The following TACC1 variants were observed in gnomAD, a reference collection of about 807,000 sequenced individuals.
TACC1 encodes transforming acidic coiled-coil-containing protein 1.
TACC1 carries 48 observed loss-of-function variants against 84.4 expected under a neutral mutation model. The observed-to-expected ratio is 0.57, with a 90% CI of 0.45 to 0.72. The LOEUF (loss-of-function observed/expected upper bound fraction) is 0.72. TACC1 is among the 30% of genes least tolerant of loss of function. TACC1 has a pLI of 0.00. For missense variants in TACC1, 920 were observed against 973.0 expected, an observed-to-expected ratio of 0.95 and a Z score of 0.72; for synonymous variants, 372 against 376.3, an observed-to-expected ratio of 0.99 and a Z score of 0.13.
chr8:38,820,491 A>G lies in TACC1; in HGVS notation c.1247A>G (p.His416Arg), dbSNP rs149678891. ...SPPLSSEGSY[H>R]FDPDNFDESM... ...CCCCTCTCTTCTGAGGGCTCCTACC[A>G]CTTTGACCCAGATAACTTTGACGAA... The change falls in exon 3 of 13, where the codon CAC becomes CGC. Residue 416 changes from histidine (H) to arginine (R), a missense_variant. Physicochemically the swap from His to Arg is conservative, Grantham distance 29 (BLOSUM62 0). Coordinates refer to ENST00000317827, the MANE Select transcript of TACC1 (RefSeq NM_006283.3). The G allele has an allele frequency of 4.3e-6, 7 of 1,613,970 alleles. No individual in the cohort carries two copies. In the African/African-American group the frequency reaches 8.0e-5, roughly 18 times the overall value.
upstream of TACC1, among the ~76,000 whole-genome samples, chr8:38,783,642 T>C (rs6474500): frequency 1.3e-5 from 2 of 152,076 alleles, no homozygotes; most frequent in South Asian, 4.1e-4. Context: ...GCTGGTCTCA[T>C]ACTCCTGACC....
At chr8:38,770,216 C>T (rs1036921423) in intron 3 of TACC1, among the ~76,000 whole-genome samples, 1 of 152,052 alleles carries the variant, frequency 6.6e-6, no homozygotes, top group African/African-American at 2.4e-5. Context: ...CTCTTCAGGC[C>T]TTGTGGTGTC....
At chr8:38,756,075 A>C (rs1204552382) in intron 3 of TACC1, among the ~76,000 whole-genome samples, 1 of 151,934 alleles carries the variant, frequency 6.6e-6, no homozygotes, top group Non-Finnish European at 1.5e-5. Context: ...AGGCCTCCCA[A>C]AGTGCTGGGA....
chr8:38,816,058 A>G (rs1034101087), intron 2 of TACC1, among the ~76,000 whole-genome samples: 1 of 152,282 alleles, frequency 6.6e-6, no homozygotes, highest in African/African-American at 2.4e-5. Flanking sequence ...AGTTGCAGAT[A>G]AGTTTTTAAA....
upstream of TACC1, chr8:38,785,775 G>C: frequency 1.1e-6 from 1 of 936,222 alleles, no homozygotes; most frequent in Non-Finnish European, 1.3e-6. Context: ...TGGATAAGTG[G>C]TGTGATATAT....
intron 3 of TACC1, among the ~76,000 whole-genome samples, chr8:38,777,412 C>T (rs1815036216): frequency 6.6e-6 from 1 of 152,188 alleles, no homozygotes; most frequent in South Asian, 2.1e-4. Flanking sequence ...GTGGTCCTCA[C>T]ACAGCAGAAG....
At chr8:38,733,976 T>A (rs769907401) in intron 1 of TACC1, among the ~76,000 whole-genome samples, 1 of 152,180 alleles carries the variant, frequency 6.6e-6, no homozygotes, top group Non-Finnish European at 1.5e-5. Context: ...AATAATGCAC[T>A]GTAAACCGTT....
intron 9 of TACC1, among the ~76,000 whole-genome samples, chr8:38,840,941 C>T (rs1028596738): frequency 1.3e-5 from 2 of 152,040 alleles, no homozygotes; most frequent in African/African-American, 4.8e-5. Context: ...CCCAGCTACT[C>T]GGGAGGCTGA....
Position 38,852,164 on chromosome 8 carries a change from C to T in TACC1, c.*4141C>T. 1 of 293,050 alleles carries T rather than the reference C, an allele frequency of 3.4e-6. No individual in the cohort carries two copies. The highest frequency in any genetic ancestry group is 3.0e-5 in the South Asian group (1 of 33,022). 18.2% of individuals were successfully genotyped at this position (293,050 alleles called of 1,614,324 possible). A position where few individuals can be genotyped will look rare whatever the true frequency, so the allele number is the denominator to read the frequency against. On this transcript the variant is annotated 3_prime_UTR_variant, in exon 13 of 13. Transcript: ENST00000317827. Reference sequence around the variant, plus strand: ...TTTTTTGTAGTTTTTTGTCCAAATGCAATCCCATTTCTGTGCCTCTTAGCA... The same window carrying T: ...TTTTTTGTAGTTTTTTGTCCAAATGTAATCCCATTTCTGTGCCTCTTAGCA...
chr8:38,741,992 A>T (rs1307699595), intron 1 of TACC1, among the ~76,000 whole-genome samples: 1 of 152,264 alleles, frequency 6.6e-6, no homozygotes, highest in African/African-American at 2.4e-5. Context: ...AAAGAAGTTT[A>T]TAAACACAAA....
intron 2 of TACC1, among the ~76,000 whole-genome samples, chr8:38,807,377 G>A (rs543523056): frequency 1.3e-5 from 2 of 152,314 alleles, no homozygotes; most frequent in South Asian, 4.1e-4. Flanking sequence ...TGAGAATACA[G>A]GAGACTTGTC....
intron 3 of TACC1, among the ~76,000 whole-genome samples, chr8:38,755,550 G>T (rs1809838259): frequency 6.6e-6 from 1 of 151,270 alleles, no homozygotes; most frequent in Non-Finnish European, 1.5e-5. Flanking sequence ...CAAAAAAAAA[G>T]AAAATTAGCT....
At chr8:38,783,754 C>T (rs921134524), upstream of TACC1, among the ~76,000 whole-genome samples, 1 of 152,146 alleles carries the variant, frequency 6.6e-6, no homozygotes, top group African/African-American at 2.4e-5. Context: ...ACCCTGACAC[C>T]TCTCTTTTAA....
chr8:38,782,654 T>A (rs947941847), upstream of TACC1, among the ~76,000 whole-genome samples: 2 of 152,234 alleles, frequency 1.3e-5, no homozygotes, highest in Non-Finnish European at 2.9e-5. Context: ...TCCTCCAAGA[T>A]GATATTCCTG....
At chr8:38,772,682 C>T (rs1480400371) in intron 3 of TACC1, among the ~76,000 whole-genome samples, 1 of 152,138 alleles carries the variant, frequency 6.6e-6, no homozygotes, top group Non-Finnish European at 1.5e-5. Context: ...AATAAATACT[C>T]ACCTCTAGCA....
intron 3 of TACC1, among the ~76,000 whole-genome samples, chr8:38,821,877 T>C (rs1563798419): frequency 6.6e-6 from 1 of 152,154 alleles, no homozygotes; most frequent in Non-Finnish European, 1.5e-5. Flanking sequence ...ACCTAGGCTA[T>C]ATGGTACAGC....
At chr8:38,805,138 G>A (rs1288899282) in intron 2 of TACC1, among the ~76,000 whole-genome samples, 1 of 152,190 alleles carries the variant, frequency 6.6e-6, no homozygotes, top group Non-Finnish European at 1.5e-5. Flanking sequence ...GAGAGCAGCT[G>A]TTTCCTTTCC....
In TACC1 at chr8:38,819,701, T is replaced by G; in HGVS notation, c.457T>G (p.Ser153Ala). ...FSKISIVRPF[S>A]IETKDSTDIS... ...CAAAATTTCCATCGTGAGGCCATTT[T>G]CAATAGAAACGAAGGATTCCACGGA... Residue 153 changes from serine (S) to alanine (A), a missense_variant, in exon 3 of 13, where the codon TCA (serine) becomes GCA (alanine). Ser to Ala is a moderately conservative substitution (Grantham distance 99). Around this residue, in one of 2 missense-constraint regions of TACC1, gnomAD observed 762 missense variants for 747.3 expected, o/e 1.02. Transcript: ENST00000317827. 1 of 1,614,176 alleles carries G rather than the reference T, an allele frequency of 6.2e-7. No homozygotes were observed.
chr8:38,769,250 G>T (rs1266223741), intron 3 of TACC1, among the ~76,000 whole-genome samples: 1 of 149,352 alleles, frequency 6.7e-6, no homozygotes, highest in African/African-American at 2.5e-5. Flanking sequence ...TGGGTTGGGG[G>T]TGTGGTGTGT....
Sources: gnomAD v4.1 joint callset for allele counts (sites outside exome capture counted in the v4.1 genomes callset) on GRCh38, gnomAD v4.1.1 for gene constraint, gnomAD v4.1.1 regional missense constraint, MANE v1.5 for transcripts, NCBI Gene and HGNC (gene_info 2026-07-23, HGNC 2026-07-21) for gene names.